Variants in ZC3H7A observed in about 807,000 individuals in gnomAD.
ZC3H7A encodes zinc finger CCCH-type containing 7A, also known as zinc finger CCCH domain-containing protein 7A.
ZC3H7A carries 44 observed loss-of-function variants against 125.5 expected under a neutral mutation model. The observed-to-expected ratio is 0.35, with a 90% confidence interval of 0.28 to 0.45. The LOEUF is 0.45. ZC3H7A is among the 20% of genes least tolerant of loss of function. The pLI, the probability that ZC3H7A is intolerant of heterozygous loss-of-function variation, is 1.00. For missense variants in ZC3H7A, 977 were observed against 1,170.7 expected (o/e 0.83, Z 2.41); for synonymous variants, 399 against 391.2 (o/e 1.02, Z -0.23).
chr16:11,793,589 T>C (rs1318145965), intron 1 of ZC3H7A, among the ~76,000 whole-genome samples: 1 of 152,178 alleles, frequency 6.6e-6, no homozygotes, highest in Non-Finnish European at 1.5e-5. Context: ...TATTCAATTC[T>C]ATCCCCAGAC....
chr16:11,766,953 G>C (rs532428753), intron 13 of ZC3H7A, among the ~76,000 whole-genome samples: 5 of 152,208 alleles, frequency 3.3e-5, no homozygotes, highest in Admixed American at 1.3e-4. Flanking sequence ...CAAGGAACTT[G>C]CTATTAGCTC....
chr16:11,771,142 CTT>C (rs1463525066), intron 9 of ZC3H7A, among the ~76,000 whole-genome samples, 155 bp from the exon 10 acceptor site: 1 of 152,182 alleles, frequency 6.6e-6, no homozygotes, highest in Non-Finnish European at 1.5e-5. Context: ...AATCCTAACA[CTT>C]TGGGAGGCTA....
At chr16:11,764,503 C>T (rs534896820) in intron 15 of ZC3H7A, among the ~76,000 whole-genome samples, 34 of 152,126 alleles carry the variant, frequency 2.2e-4, no homozygotes, top group African/African-American at 7.7e-4. Context: ...GAGCTGAGAT[C>T]GCGCCACTGC....
intron 4 of ZC3H7A, among the ~76,000 whole-genome samples, chr16:11,777,763 T>C (rs1302841530): frequency 6.6e-6 from 1 of 151,360 alleles, no homozygotes; most frequent in Non-Finnish European, 1.5e-5. Flanking sequence ...CTCATGCCTG[T>C]AATCCCAGCA....
intron 3 of ZC3H7A, among the ~76,000 whole-genome samples, chr16:11,780,201 G>A (rs889404726): frequency 6.7e-6 from 1 of 150,160 alleles, no homozygotes; most frequent in Non-Finnish European, 1.5e-5. Context: ...GGCTCTCTGC[G>A]ACTTCACCTC....
At position 11,769,784 on chromosome 16, in the gene ZC3H7A, C is replaced by CTTTTT. The variant is rs200241879; in HGVS notation, c.1109-694_1109-690dup. On this transcript the variant is annotated intron_variant, in intron 10 of 22. Coordinates refer to ENST00000355758, the MANE Select transcript of ZC3H7A (RefSeq NM_014153.4). ...AATCAGTAAAGTTTTCAATTGCTTT[C>CTTTTT]TTTTTTTTTTTTTTTTTTTTTTTGA... Among the ~76,000 whole-genome samples the CTTTTT allele has an allele frequency of 1.2e-3, 74 of 61,604 alleles. 5 individuals carry two copies. The highest frequency in any genetic ancestry group is 4.4e-3 in the South Asian group (5 of 1,128). 40.4% of individuals were successfully genotyped at this position (61,604 alleles called of 152,430 possible). A position where few individuals can be genotyped will look rare whatever the true frequency, so the allele number is the denominator to read the frequency against.
intron 3 of ZC3H7A, among the ~76,000 whole-genome samples, 183 bp downstream of exon 3, chr16:11,781,242 C>T (rs547669631): frequency 1.3e-5 from 2 of 152,050 alleles, no homozygotes; most frequent in South Asian, 4.1e-4. Flanking sequence ...AATACATAAA[C>T]AAATGAGTGT....
At chr16:11,762,865 C>T in intron 16 of ZC3H7A, 118 bp from the exon 17 acceptor site, 1 of 870,050 alleles carries the variant, frequency 1.1e-6, no homozygotes, top group South Asian at 1.5e-5. Context: ...ACCTCCTAAT[C>T]CATCAGCAAG....
chr16:11,763,671 A>G lies in ZC3H7A; in HGVS notation c.1821-12T>C. On this transcript the variant is annotated splice_polypyrimidine_tract_variant and intron_variant, in intron 15 of 22. Transcript: ENST00000355758. ...TGTGGACAAGGCACCTAAGATGAAA[A>G]CAGTGACATTTTAATATTGTTCTGC... 2.0e-6 allele frequency: 3 copies of G among 1,482,412 alleles called. No homozygotes were observed. Among genetic ancestry groups the G allele is most frequent in the Non-Finnish European group, 2.7e-6 (3 of 1,108,340 alleles). The allele number at this position is 1,482,412 out of a possible 1,614,324, so 91.8% of individuals were successfully genotyped here.
intron 15 of ZC3H7A, 157 bp downstream of exon 15, chr16:11,764,896 T>A (rs1201047037): frequency 7.8e-6 from 4 of 511,390 alleles, no homozygotes; most frequent in Non-Finnish European, 1.4e-5. Context: ...TCCAGCCAAA[T>A]CTACTAAAAG....
At chr16:11,779,530 G>A (rs897769419) in intron 3 of ZC3H7A, among the ~76,000 whole-genome samples, 167 bp from the exon 4 acceptor site, 2 of 152,214 alleles carry the variant, frequency 1.3e-5, no homozygotes, top group Non-Finnish European at 2.9e-5. Context: ...CTCAGCTAGG[G>A]ATTGAATCTT....
Position 11,758,550 on chromosome 16 carries a change from A to G in ZC3H7A, c.2320-11T>C. On this transcript the variant is annotated splice_polypyrimidine_tract_variant and intron_variant, in intron 19 of 22. Coordinates refer to ENST00000355758, the MANE Select transcript of ZC3H7A (RefSeq NM_014153.4). The stretch of plus-strand genomic sequence containing the variant: ...AATATGGTTGCACAGCTGTATAAAA[A>G]AATAGGAATATGATTAAGACAAAGT... 2 of 1,595,918 alleles carry G rather than the reference A, an allele frequency of 1.3e-6. No homozygotes were observed. Among genetic ancestry groups the G allele is most frequent in the East Asian group, 4.5e-5 (2 of 44,798 alleles).
intron 20 of ZC3H7A, among the ~76,000 whole-genome samples, chr16:11,757,206 C>T (rs117607361): frequency 0.013 from 1,989 of 152,082 alleles, 13 homozygotes; most frequent in Non-Finnish European, 0.021. Context: ...TGTTCCCAGC[C>T]GGGCACGGTG....
chr16:11,781,172 G>C (rs1202857217), intron 3 of ZC3H7A, among the ~76,000 whole-genome samples: 1 of 152,148 alleles, frequency 6.6e-6, no homozygotes, highest in East Asian at 1.9e-4. Flanking sequence ...CATGTTTTAG[G>C]CTCCATGGGC....
chr16:11,752,564 G>T, intron 22 of ZC3H7A, 105 bp downstream of exon 22: 2 of 1,402,698 alleles, frequency 1.4e-6, no homozygotes, highest in Non-Finnish European at 9.6e-7. Context: ...TCAGAGCACA[G>T]CAACATTAGA....
intron 1 of ZC3H7A, among the ~76,000 whole-genome samples, chr16:11,793,350 T>G (rs879160973): frequency 1.3e-5 from 2 of 151,930 alleles, no homozygotes; most frequent in East Asian, 3.9e-4. Flanking sequence ...CTAGGCAACA[T>G]AGGAGACCCC....
chr16:11,785,322 G>T (rs1567393347), intron 1 of ZC3H7A, among the ~76,000 whole-genome samples: 11 of 151,590 alleles, frequency 7.3e-5, no homozygotes, highest in Admixed American at 7.2e-4. Flanking sequence ...CTGGGTGACA[G>T]AGTGAGACCT....
At chr16:11,754,851 C>A (rs532529258) in intron 21 of ZC3H7A, among the ~76,000 whole-genome samples, 147 of 135,544 alleles carry the variant, frequency 1.1e-3, no homozygotes, top group African/African-American at 3.8e-3. Flanking sequence ...AAGATCACAT[C>A]ATTGCACTCG....
At chr16:11,784,769 A>G (rs548768035) in intron 1 of ZC3H7A, among the ~76,000 whole-genome samples, 31 of 150,148 alleles carry the variant, frequency 2.1e-4, no homozygotes, top group African/African-American at 7.4e-4. Flanking sequence ...CAGGAGAATC[A>G]CTTGAACCTG....
Sources: allele counts gnomAD v4.1 joint callset (sites outside exome capture counted in the v4.1 genomes callset), GRCh38; gene constraint gnomAD v4.1.1; transcripts MANE v1.5; gene names NCBI Gene and HGNC (gene_info 2026-07-23, HGNC 2026-07-21).